The following ANXA4 variants were observed in gnomAD, a reference collection of about 807,000 sequenced individuals.
ANXA4 encodes the protein 35-beta calcimedin.
A neutral mutation model predicts 49.8 loss-of-function variants in ANXA4; 39 were observed. The ratio of observed to expected loss-of-function variants is 0.78; its 90% confidence interval spans 0.61 to 1.02. The LOEUF is 1.02. ANXA4 is among the 50% of genes least tolerant of loss of function. The pLI is 0.00. For synonymous variants in ANXA4, 134 were observed against 152.5 expected, an observed-to-expected ratio of 0.88 and a Z score of 0.89; for missense variants, 360 against 410.1, an observed-to-expected ratio of 0.88 and a Z score of 1.05.
At chr2:69,767,168 A>G (rs867645115) in intron 1 of ANXA4, among the ~76,000 whole-genome samples, 1 of 152,240 alleles carries the variant, frequency 6.6e-6, no homozygotes, top group Non-Finnish European at 1.5e-5. Flanking sequence ...ACTCCATCTG[A>G]GGCTTTGAAT....
At chr2:69,658,446 CATTT>C (rs1676589145) in intron 2 of ANXA4, among the ~76,000 whole-genome samples, 1 of 149,914 alleles carries the variant, frequency 6.7e-6, no homozygotes, top group South Asian at 2.1e-4. Flanking sequence ...TCCTTGCAGA[CATTT>C]ATTCCCCAGC....
At chr2:69,815,118 T>G (rs1461469048) in intron 8 of ANXA4, 6 of 152,244 alleles carry the variant, frequency 3.9e-5, no homozygotes, top group Non-Finnish European at 8.8e-5. Flanking sequence ...TCCTCCATAT[T>G]GGATCATCCA....
chr2:69,723,551 T>C (rs575434340), intron 3 of ANXA4, among the ~76,000 whole-genome samples: 8 of 152,294 alleles, frequency 5.3e-5, no homozygotes. Flanking sequence ...ACTTAGGAAA[T>C]GTTAGCTAAG....
At chr2:69,754,872 A>G (rs1670982634) in intron 1 of ANXA4, among the ~76,000 whole-genome samples, 1 of 151,956 alleles carries the variant, frequency 6.6e-6, no homozygotes, top group Non-Finnish European at 1.5e-5. Context: ...AGCCTTCTGT[A>G]TTTTGGTGAC....
At chr2:69,661,057 C>T (rs1276919589) in intron 2 of ANXA4, among the ~76,000 whole-genome samples, 2 of 151,844 alleles carry the variant, frequency 1.3e-5, no homozygotes, top group Admixed American at 6.6e-5. Context: ...AGATTACTCA[C>T]AAGAAAACAG....
At chr2:69,749,274 G>A (rs1045250355) in intron 1 of ANXA4, among the ~76,000 whole-genome samples, 2 of 152,044 alleles carry the variant, frequency 1.3e-5, no homozygotes, top group Non-Finnish European at 2.9e-5. Flanking sequence ...TCCTTTTTTG[G>A]TAGGTCCAGA....
intron 1 of ANXA4, among the ~76,000 whole-genome samples, chr2:69,770,514 A>C (rs1671662902): frequency 1.3e-5 from 2 of 152,216 alleles, no homozygotes; most frequent in Admixed American, 6.5e-5. Flanking sequence ...AGGTCCCTTC[A>C]TAATAGGCTC....
intron 1 of ANXA4, among the ~76,000 whole-genome samples, chr2:69,771,109 G>GAAAAAAAAAA (rs70954358): frequency 2.9e-5 from 3 of 104,748 alleles, no homozygotes; most frequent in Non-Finnish European, 5.9e-5. Context: ...AAAAAAAAAA[G>GAAAAAAAAAA]AAAAAAAAAA....
intron 3 of ANXA4, among the ~76,000 whole-genome samples, chr2:69,794,182 G>C (rs1391904588): frequency 1.3e-5 from 2 of 152,332 alleles, no homozygotes; most frequent in African/African-American, 4.8e-5. Flanking sequence ...AGCAAAGCTT[G>C]GTATTTGAGG....
chr2:69,772,899 C>T (rs915922548), intron 1 of ANXA4, among the ~76,000 whole-genome samples: 3 of 151,974 alleles, frequency 2.0e-5, no homozygotes, highest in African/African-American at 7.3e-5. Flanking sequence ...CGTCTGTGAT[C>T]CAAGCTACTT....
intron 3 of ANXA4, among the ~76,000 whole-genome samples, chr2:69,726,874 T>TCA (rs1208194203): frequency 6.6e-6 from 1 of 152,126 alleles, no homozygotes; most frequent in Non-Finnish European, 1.5e-5. Flanking sequence ...TCTATTCATT[T>TCA]CACACACACA....
At chr2:69,694,971 C>T (rs982575985) in intron 2 of ANXA4, among the ~76,000 whole-genome samples, 4 of 151,798 alleles carry the variant, frequency 2.6e-5, no homozygotes, top group African/African-American at 7.3e-5. Flanking sequence ...GGCGAAACCT[C>T]GTCTCTACAA....
At chr2:69,731,044 G>A (rs6723370) in intron 3 of ANXA4, among the ~76,000 whole-genome samples, 2,952 of 152,242 alleles carry the variant, frequency 0.019, 103 homozygotes, top group African/African-American at 0.068. Context: ...CAAAAGCCAC[G>A]ATGTCACTAT....
At chr2:69,774,349 T>TA (rs1671878219) in intron 1 of ANXA4, among the ~76,000 whole-genome samples, 1 of 132,726 alleles carries the variant, frequency 7.5e-6, no homozygotes, top group Non-Finnish European at 1.6e-5. Flanking sequence ...CCTTTTTTTT[T>TA]TTTTTTGAGA....
At chr2:69,804,700 G>C in intron 4 of ANXA4, 73 bp downstream of exon 4, 1 of 1,262,700 alleles carries the variant, frequency 7.9e-7, no homozygotes, top group Non-Finnish European at 1.1e-6. Context: ...TCCTGATCTA[G>C]GTTCCCGAAG....
intron 3 of ANXA4, among the ~76,000 whole-genome samples, chr2:69,802,314 G>C (rs1432079745): frequency 6.6e-6 from 1 of 152,206 alleles, no homozygotes; most frequent in African/African-American, 2.4e-5. Flanking sequence ...AATTGGAATG[G>C]TTGTGATAGG....
chr2:69,726,442 G>A (rs1669964583), intron 3 of ANXA4, among the ~76,000 whole-genome samples: 1 of 152,210 alleles, frequency 6.6e-6, no homozygotes, highest in South Asian at 2.1e-4. Context: ...TAACTCATTT[G>A]TCAGCTTACA....
At chr2:69,736,727 C>T (rs1440161474) in intron 3 of ANXA4, among the ~76,000 whole-genome samples, 1 of 152,168 alleles carries the variant, frequency 6.6e-6, no homozygotes, top group Non-Finnish European at 1.5e-5. Flanking sequence ...TATTTACCCC[C>T]ACATTTGACT....
chr2:69,700,433 A>G (rs768301052), intron 2 of ANXA4: 3 of 152,196 alleles, frequency 2.0e-5, no homozygotes, highest in Non-Finnish European at 2.9e-5. Context: ...CAAGCACTAC[A>G]AAAAGGTTTA....
Sources: allele counts gnomAD v4.1 joint callset (sites outside exome capture counted in the v4.1 genomes callset), GRCh38; gene constraint gnomAD v4.1.1; transcripts MANE v1.5; gene names NCBI Gene and HGNC (gene_info 2026-07-23, HGNC 2026-07-21).